DLAT: variants seen among roughly 807,000 people sequenced by gnomAD.
DLAT encodes dihydrolipoyllysine-residue acetyltransferase component of pyruvate dehydrogenase complex, mitochondrial.
A neutral mutation model predicts 68.0 loss-of-function variants in DLAT; 43 were observed. The ratio of observed to expected loss-of-function variants is 0.63; its 90% CI spans 0.50 to 0.81. DLAT has a LOEUF of 0.81. DLAT is among the 40% of genes least tolerant of loss of function. The pLI is 0.00. For missense variants in DLAT, 745 were observed against 815.4 expected (o/e 0.91, Z 1.05); for synonymous variants, 265 against 288.6 (o/e 0.92, Z 0.83).
At chr11:112,043,994 A>C (rs1863174855) in intron 8 of DLAT, among the ~76,000 whole-genome samples, 1 of 152,200 alleles carries the variant, frequency 6.6e-6, no homozygotes, top group South Asian at 2.1e-4. Flanking sequence ...ACTTATGGAT[A>C]TGGAGGGCCA....
rs1208755927 is a variant in DLAT at position 112,045,793 on chromosome 11, C to T, written c.1291-70C>T. 4.1e-5 allele frequency: 39 copies of T among 945,486 alleles called. No individual in the cohort carries two copies. The Admixed American group carries it at 4.7e-4, about 11-fold the overall frequency. 58.6% of individuals were successfully genotyped at this position (945,486 alleles called of 1,614,324 possible). A position where few individuals can be genotyped will look rare whatever the true frequency, so the allele number is the denominator to read the frequency against. On this transcript the variant is annotated intron_variant, in intron 9 of 13. Transcript: ENST00000280346. ...ATTAGCAGAGAGTAAGGTGAAGAGA[C>T]AAACAGAGCCCTAAATTAGTTAAGG...
intron 11 of DLAT, among the ~76,000 whole-genome samples, chr11:112,054,581 G>C (rs2137848478): frequency 6.6e-6 from 1 of 152,278 alleles, no homozygotes; most frequent in East Asian, 1.9e-4. Flanking sequence ...TTCTCAATCT[G>C]ATCAAACCTA....
chr11:112,064,269 T>C lies in DLAT; in HGVS notation c.*1734T>C. 6.8e-7 allele frequency: 1 copy of C among 1,472,170 alleles called. No individual in the cohort carries two copies. Among genetic ancestry groups the C allele is most frequent in the South Asian group, 1.3e-5 (1 of 78,192 alleles). The allele number at this position is 1,472,170 out of a possible 1,614,324, so 91.2% of individuals were successfully genotyped here. ...TGCCTTCTAATAAACATTGTTGAGT[T>C]AAAAATTAATCTGAGCTATAATCTA... On this transcript the variant is annotated 3_prime_UTR_variant, in exon 14 of 14. Coordinates refer to ENST00000280346, the MANE Select transcript of DLAT (RefSeq NM_001931.5).
chr11:112,033,036 C>A (rs1208354944), intron 4 of DLAT, among the ~76,000 whole-genome samples: 1 of 151,982 alleles, frequency 6.6e-6, no homozygotes, highest in Non-Finnish European at 1.5e-5. Context: ...TGCTCTCCAG[C>A]CTGGGGGACA....
chr11:112,057,032 T>C (rs1375560484), intron 11 of DLAT, among the ~76,000 whole-genome samples: 1 of 152,220 alleles, frequency 6.6e-6, no homozygotes, highest in Non-Finnish European at 1.5e-5. Flanking sequence ...CTAGAGTATT[T>C]CAAACTTTAT....
chr11:112,061,793 C>G (rs1326642549), intron 13 of DLAT, among the ~76,000 whole-genome samples: 1 of 152,110 alleles, frequency 6.6e-6, no homozygotes, highest in Non-Finnish European at 1.5e-5. Context: ...CCATGTAGGC[C>G]AGGCTGGTCT....
At chr11:112,049,241 G>A (rs1863489262) in intron 10 of DLAT, among the ~76,000 whole-genome samples, 2 of 152,100 alleles carry the variant, frequency 1.3e-5, no homozygotes, top group Non-Finnish European at 2.9e-5. Context: ...TGAATTTTAG[G>A]ATTAGCTTGT....
At chr11:112,058,949 T>A (rs1225149130) in intron 11 of DLAT, among the ~76,000 whole-genome samples, 1 of 152,124 alleles carries the variant, frequency 6.6e-6, no homozygotes, top group East Asian at 1.9e-4. Context: ...ATTTGAGTAT[T>A]TTCAGTGTTA....
rs896092514 is a variant in DLAT at position 112,028,721 on chromosome 11, C to G, written c.507-71C>G. The stretch of plus-strand genomic sequence containing the variant: ...AGAATTGAGAATTAGGAGTTAAAGA[C>G]TATTTTTTAAGACTACTTTTGTGAA... On this transcript the variant is annotated intron_variant, in intron 3 of 13. Coordinates refer to ENST00000280346, the MANE Select transcript of DLAT (RefSeq NM_001931.5). The G allele has an allele frequency of 3.3e-5, 53 of 1,613,856 alleles. No homozygotes were observed. In the East Asian group the frequency reaches 1.2e-3, roughly 35 times the overall value.
chr11:112,041,678 G>A (rs1364830844), intron 7 of DLAT, among the ~76,000 whole-genome samples: 1 of 152,134 alleles, frequency 6.6e-6, no homozygotes, highest in East Asian at 1.9e-4. Flanking sequence ...TCAGGAGATG[G>A]AGACCATCCT....
intron 4 of DLAT, chr11:112,029,984 G>A: frequency 2.0e-6 from 2 of 1,014,994 alleles, no homozygotes; most frequent in Non-Finnish European, 3.0e-6. Flanking sequence ...CACACTTAGA[G>A]CAGGTGATAA....
chr11:112,044,872 G>A lies in DLAT; in HGVS notation c.1198-266G>A, dbSNP rs73561980. Among the ~76,000 whole-genome samples the A allele has an allele frequency of 0.083, 12,609 of 151,920 alleles. 1,556 individuals are homozygous for A. The highest frequency in any genetic ancestry group is 0.27 in the African/African-American group (10,985 of 41,352). On this transcript the variant is annotated intron_variant, in intron 8 of 13. Coordinates refer to ENST00000280346, the MANE Select transcript of DLAT (RefSeq NM_001931.5). Reference sequence around the variant, plus strand: ...ACGTGGCTAATTTCCGTCTCTACTAGAAATCCAAAAAAATTAGCTGGGCAT... The same window carrying A: ...ACGTGGCTAATTTCCGTCTCTACTAAAAATCCAAAAAAATTAGCTGGGCAT...
At chr11:112,039,631 C>CT (rs1258185216) in intron 7 of DLAT, among the ~76,000 whole-genome samples, 8 of 151,368 alleles carry the variant, frequency 5.3e-5, no homozygotes, top group Admixed American at 2.6e-4. Flanking sequence ...CTTTAGATAC[C>CT]TTTTTTTTTC....
intron 1 of DLAT, 38 bp downstream of exon 1, chr11:112,025,789 C>T (rs1555179186): frequency 6.2e-7 from 1 of 1,611,090 alleles, no homozygotes; most frequent in Non-Finnish European, 8.5e-7. Flanking sequence ...CCCCGTTGTC[C>T]TTCAGAGCTG....
At chr11:112,047,005 A>G (rs1863357210) in intron 10 of DLAT, among the ~76,000 whole-genome samples, 1 of 152,166 alleles carries the variant, frequency 6.6e-6, no homozygotes, top group South Asian at 2.1e-4. Context: ...TTCTGGGTCA[A>G]ATGGTATTTC....
chr11:112,039,451 C>A, intron 7 of DLAT, 54 bp downstream of exon 7: 1 of 1,582,020 alleles, frequency 6.3e-7, no homozygotes, highest in Non-Finnish European at 8.7e-7. Context: ...AGTTGAATTT[C>A]CTCCTTAAGA....
chr11:112,025,556 A>T lies in DLAT; in HGVS notation c.84A>T (p.Val28=). The change falls in exon 1 of 14, where the codon GTA becomes GTT. Residue 28 remains valine, a synonymous_variant. Coordinates refer to ENST00000280346, the MANE Select transcript of DLAT (RefSeq NM_001931.5). Reference sequence around the variant, plus strand: ...CTCGGTGGACGGCCTTGCAGGAGGTACCCGGAACTCCACGAGTGACCTCGC... The same window carrying T: ...CTCGGTGGACGGCCTTGCAGGAGGTTCCCGGAACTCCACGAGTGACCTCGC... The part of the protein sequence containing the change: ...LEARWTALQE[V]PGTPRVTSRS... The T allele has an allele frequency of 6.2e-7, 1 of 1,613,848 alleles. No individual in the cohort carries two copies. The highest frequency in any genetic ancestry group is 1.3e-5 in the African/African-American group (1 of 74,962).
intron 9 of DLAT, among the ~76,000 whole-genome samples, chr11:112,045,554 G>T (rs1263783397): frequency 1.3e-5 from 2 of 152,072 alleles, no homozygotes; most frequent in African/African-American, 4.8e-5. Context: ...CGGGCATGGT[G>T]GCACATGCCT....
chr11:112,050,606 T>G (rs772665799), intron 10 of DLAT, among the ~76,000 whole-genome samples: 1 of 152,220 alleles, frequency 6.6e-6, no homozygotes, highest in African/African-American at 2.4e-5. Context: ...TTTTGGTAGC[T>G]TGTGTCTGTA....
Sources: allele counts gnomAD v4.1 joint callset (sites outside exome capture counted in the v4.1 genomes callset), GRCh38; gene constraint gnomAD v4.1.1; transcripts MANE v1.5; gene names NCBI Gene and HGNC (gene_info 2026-07-23, HGNC 2026-07-21).